NKAIN2: variants seen among roughly 807,000 people sequenced by gnomAD.
NKAIN2 encodes sodium/potassium transporting ATPase interacting 2, also known as sodium/potassium-transporting ATPase subunit beta-1-interacting protein 2.
In NKAIN2, 14 loss-of-function variants were observed where a neutral mutation model predicts 32.6. The observed-to-expected ratio is 0.43, with a 90% CI of 0.28 to 0.67. The LOEUF (loss-of-function observed/expected upper bound fraction) is 0.67, where lower values mean the gene tolerates loss of function less well. NKAIN2 is among the 30% of genes least tolerant of loss of function. The pLI is 0.17. For synonymous variants in NKAIN2, 80 were observed against 87.2 expected (o/e 0.92, Z 0.46); for missense variants, 198 against 258.3 (o/e 0.77, Z 1.60).
At position 124,718,433 on chromosome 6, in the gene NKAIN2, G is replaced by A. The variant is rs114233935; in HGVS notation, c.474+60047G>A. ...ATTTCATTCATTTTTATTGCCAAAC[G>A]TGTTCCAGTGTATGAATGTGTCACA... On this transcript the variant is annotated intron_variant, in intron 4 of 6. Transcript: ENST00000368417. Among the ~76,000 whole-genome samples, 396 of 152,176 alleles carry A rather than the reference G, an allele frequency of 2.6e-3. 4 individuals are homozygous for A. Among genetic ancestry groups the A allele is most frequent in the African/African-American group, 9.2e-3 (380 of 41,524 alleles).
chr6:124,513,297 A>AAAAGGCG (rs1359128662), intron 3 of NKAIN2, among the ~76,000 whole-genome samples: 1 of 152,190 alleles, frequency 6.6e-6, no homozygotes, highest in African/African-American at 2.4e-5. Context: ...CTCTTATTAA[A>AAAAGGCG]AAAGGCGGGT....
intron 3 of NKAIN2, among the ~76,000 whole-genome samples, chr6:124,360,005 G>A (rs56304232): frequency 6.6e-6 from 1 of 152,106 alleles, no homozygotes; most frequent in Non-Finnish European, 1.5e-5. Context: ...TTTGTCAAAG[G>A]CCTTTTCTGC....
At chr6:124,737,754 C>G in intron 4 of NKAIN2, among the ~76,000 whole-genome samples, 1 of 151,804 alleles carries the variant, frequency 6.6e-6, no homozygotes, top group East Asian at 1.9e-4. Flanking sequence ...ACAATAAGGT[C>G]CAGGCTGAGG....
At chr6:123,951,588 T>C (rs1234580745) in intron 1 of NKAIN2, among the ~76,000 whole-genome samples, 1 of 151,950 alleles carries the variant, frequency 6.6e-6, no homozygotes, top group East Asian at 1.9e-4. Context: ...CCTCTTTGCT[T>C]TTGATTTTGG....
intron 3 of NKAIN2, among the ~76,000 whole-genome samples, chr6:124,418,035 G>A: frequency 6.6e-6 from 1 of 152,082 alleles, no homozygotes; most frequent in East Asian, 1.9e-4. Flanking sequence ...TTATGACCCA[G>A]GTTTGCATAT....
intron 3 of NKAIN2, among the ~76,000 whole-genome samples, chr6:124,389,540 C>A (rs1003051105): frequency 3.9e-5 from 6 of 151,970 alleles, no homozygotes; most frequent in African/African-American, 1.4e-4. Context: ...AGCAAGGATT[C>A]TTTTTCTAAT....
intron 2 of NKAIN2, among the ~76,000 whole-genome samples, chr6:124,347,654 C>T (rs377126408): frequency 3.5e-4 from 53 of 152,128 alleles, no homozygotes; most frequent in African/African-American, 1.2e-3. Context: ...GCATTCTTCA[C>T]GTAGTTCTCG....
At chr6:124,164,470 G>A (rs747613329) in intron 1 of NKAIN2, among the ~76,000 whole-genome samples, 2 of 152,144 alleles carry the variant, frequency 1.3e-5, no homozygotes, top group East Asian at 1.9e-4. Context: ...GAGAAGCAGA[G>A]TTTTCAGTGC....
At chr6:124,512,608 A>G (rs1778756433) in intron 3 of NKAIN2, among the ~76,000 whole-genome samples, 1 of 152,164 alleles carries the variant, frequency 6.6e-6, no homozygotes, top group Non-Finnish European at 1.5e-5. Context: ...ACTCAACTCA[A>G]AGTAGTCAGG....
chr6:124,563,167 G>A (rs1317529621), intron 3 of NKAIN2, among the ~76,000 whole-genome samples: 1 of 152,030 alleles, frequency 6.6e-6, no homozygotes, highest in Non-Finnish European at 1.5e-5. Context: ...GCCTCCCAAT[G>A]TGCTGGGATT....
At chr6:124,071,344 T>C (rs1783457958) in intron 1 of NKAIN2, among the ~76,000 whole-genome samples, 1 of 152,154 alleles carries the variant, frequency 6.6e-6, no homozygotes, top group African/African-American at 2.4e-5. Flanking sequence ...AAGATTTAAA[T>C]GTAAGACCTC....
chr6:124,340,803 G>A (rs994088278), intron 2 of NKAIN2, among the ~76,000 whole-genome samples: 9 of 152,176 alleles, frequency 5.9e-5, no homozygotes, highest in Admixed American at 4.6e-4. Context: ...GTTTAAAGAC[G>A]CTTCAGTGGC....
intron 1 of NKAIN2, among the ~76,000 whole-genome samples, chr6:124,195,478 T>G (rs1790270213): frequency 6.6e-6 from 1 of 152,072 alleles, no homozygotes; most frequent in African/African-American, 2.4e-5. Flanking sequence ...TTGCTAGACA[T>G]TTGATTTAAT....
rs148336392 is a variant in NKAIN2, at chr6:124,137,832, A to G, written c.55-145173A>G. ...GCCATATGTAGAAGAATGAAACTTGATCTTCATTGCTCATCTTATACAAAA... is the reference window on the plus strand; with the variant it reads ...GCCATATGTAGAAGAATGAAACTTGGTCTTCATTGCTCATCTTATACAAAA... On this transcript the variant is annotated intron_variant, in intron 1 of 6. Transcript: ENST00000368417. Among the ~76,000 whole-genome samples, 839 of 152,256 alleles carry G rather than the reference A, an allele frequency of 5.5e-3. 5 individuals are homozygous for G. Among genetic ancestry groups the G allele is most frequent in the African/African-American group, 0.019 (798 of 41,552 alleles).
At chr6:124,096,437 T>G (rs1398258873) in intron 1 of NKAIN2, among the ~76,000 whole-genome samples, 1 of 152,228 alleles carries the variant, frequency 6.6e-6, no homozygotes, top group African/African-American at 2.4e-5. Flanking sequence ...TTCTCACTCT[T>G]TACACTTAGG....
At chr6:124,606,569 A>T (rs1782507292) in intron 3 of NKAIN2, among the ~76,000 whole-genome samples, 1 of 152,168 alleles carries the variant, frequency 6.6e-6, no homozygotes, top group Non-Finnish European at 1.5e-5. Context: ...CAAATGAAAG[A>T]TAATTTTTAA....
chr6:123,836,405 A>G (rs1359221255), intron 1 of NKAIN2, among the ~76,000 whole-genome samples: 4 of 152,130 alleles, frequency 2.6e-5, no homozygotes, highest in African/African-American at 4.8e-5. Context: ...ATATGATGTG[A>G]TGAGAAGTGC....
At chr6:123,948,426 C>G (rs1189345322) in intron 1 of NKAIN2, among the ~76,000 whole-genome samples, 2 of 151,734 alleles carry the variant, frequency 1.3e-5, no homozygotes, top group African/African-American at 4.8e-5. Context: ...TCCAGCATCT[C>G]TTATTTTGCT....
At chr6:124,287,882 C>G (rs1795629287) in intron 2 of NKAIN2, among the ~76,000 whole-genome samples, 1 of 152,208 alleles carries the variant, frequency 6.6e-6, no homozygotes, top group Admixed American at 6.5e-5. Context: ...TCCATTAAAG[C>G]CATAGCAACT....
Sources: allele counts gnomAD v4.1 joint callset (sites outside exome capture counted in the v4.1 genomes callset), GRCh38; gene constraint gnomAD v4.1.1; transcripts MANE v1.5; gene names NCBI Gene and HGNC (gene_info 2026-07-23, HGNC 2026-07-21).